Variants in TSEN2 observed in about 807,000 individuals in gnomAD.
TSEN2 encodes tRNA-splicing endonuclease subunit Sen2.
Under a neutral mutation model 59.2 loss-of-function variants are expected in TSEN2, and 54 were observed. The ratio of observed to expected loss-of-function variants is 0.91; its 90% CI spans 0.73 to 1.14. TSEN2 has a LOEUF of 1.14. TSEN2 is among the 50% of genes most tolerant of loss of function. The probability of loss-of-function intolerance (pLI) is 0.00; values close to 1 mark genes in which losing one functional copy is unlikely to be tolerated. For synonymous variants in TSEN2, 195 were observed against 198.2 expected (o/e 0.98, Z 0.14); for missense variants, 636 against 576.2 (o/e 1.10, Z -1.06).
chr3:12,519,396 A>G (rs2056427999), intron 8 of TSEN2, among the ~76,000 whole-genome samples, 199 bp downstream of exon 8: 1 of 152,220 alleles, frequency 6.6e-6, no homozygotes, highest in South Asian at 2.1e-4. Context: ...AAGGCCTAGG[A>G]GTAGAAGCTT....
intron 4 of TSEN2, among the ~76,000 whole-genome samples, chr3:12,501,355 A>G (rs2054267048): frequency 6.6e-6 from 1 of 152,180 alleles, no homozygotes; most frequent in South Asian, 2.1e-4. Context: ...AATGTGCCAT[A>G]CCAAAGTCAC....
intron 6 of TSEN2, among the ~76,000 whole-genome samples, chr3:12,509,647 A>T (rs1056647314): frequency 2.6e-5 from 4 of 152,216 alleles, no homozygotes; most frequent in Non-Finnish European, 4.4e-5. Context: ...ACTCATTCCC[A>T]GCAAGATTCC....
In TSEN2 at chr3:12,511,631, A is replaced by G. The variant is rs541672582; in HGVS notation, c.910-4980A>G. Reference sequence around the variant, plus strand: ...ACCTAAGCTGCAGTGCAGTGGTACAATATTGGCTCACTGCAGCCTCAGTCT... The same window carrying G: ...ACCTAAGCTGCAGTGCAGTGGTACAGTATTGGCTCACTGCAGCCTCAGTCT... On this transcript the variant is annotated intron_variant, in intron 6 of 11. Transcript: ENST00000284995. Among the ~76,000 whole-genome samples, 98 of 151,684 alleles carry G rather than the reference A, an allele frequency of 6.5e-4. 1 individual carries two copies. The highest frequency in any genetic ancestry group is 8.5e-4 in the African/African-American group (35 of 41,292).
At chr3:12,526,053 AAG>A (rs760754387) in intron 8 of TSEN2, among the ~76,000 whole-genome samples, 43 of 151,952 alleles carry the variant, frequency 2.8e-4, no homozygotes, top group Non-Finnish European at 5.6e-4. Flanking sequence ...TTATTGAAGA[AAG>A]AGACCAGGCA....
At chr3:12,487,943 A>G (rs141486938) in intron 1 of TSEN2, among the ~76,000 whole-genome samples, 4 of 151,820 alleles carry the variant, frequency 2.6e-5, no homozygotes, top group Admixed American at 1.3e-4. Flanking sequence ...GCTTAGAACA[A>G]TGGCAATTCT....
Position 12,516,680 on chromosome 3 carries a change from A to G in TSEN2, c.960+19A>G. ...TGAGAAGGTAAGATGCTTTGTTTAC[A>G]TACAACCCACTTAAAATTTCCCTGT... is the stretch of plus-strand genomic sequence containing the variant. On this transcript the variant is annotated intron_variant, in intron 7 of 11. Transcript: ENST00000284995. 6 of 1,612,066 alleles carry G rather than the reference A, an allele frequency of 3.7e-6. No homozygotes were observed. The highest frequency in any genetic ancestry group is 5.1e-6 in the Non-Finnish European group (6 of 1,178,200).
chr3:12,499,736 A>T (rs868830288), intron 4 of TSEN2, among the ~76,000 whole-genome samples: 1 of 152,142 alleles, frequency 6.6e-6, no homozygotes, highest in South Asian at 2.1e-4. Flanking sequence ...CGTGCCAGTG[A>T]TGGGCCTGTG....
intron 8 of TSEN2, among the ~76,000 whole-genome samples, chr3:12,522,599 G>A (rs1287439189): frequency 6.6e-6 from 1 of 152,176 alleles, no homozygotes; most frequent in Non-Finnish European, 1.5e-5. Flanking sequence ...TAATTTCAAA[G>A]GCCAATGACC....
At chr3:12,482,355 A>G (rs1167478163), upstream of TSEN2, among the ~76,000 whole-genome samples, 1 of 152,154 alleles carries the variant, frequency 6.6e-6, no homozygotes, top group African/African-American at 2.4e-5. Context: ...TCCCAACCTC[A>G]GGTGATCCAC....
intron 10 of TSEN2, chr3:12,538,955 G>C (rs2125282257): frequency 3.1e-6 from 1 of 318,056 alleles, no homozygotes; most frequent in Non-Finnish European, 6.0e-6. Context: ...TGTCGGGTCA[G>C]GCAAAATGAA....
intron 8 of TSEN2, among the ~76,000 whole-genome samples, chr3:12,527,285 C>T (rs1162259299): frequency 1.3e-5 from 2 of 152,204 alleles, no homozygotes; most frequent in East Asian, 3.9e-4. Context: ...GTTACTGTGT[C>T]GTCCTTGGGG....
chr3:12,519,757 AAAG>A (rs1230601517), intron 8 of TSEN2, among the ~76,000 whole-genome samples: 1 of 152,060 alleles, frequency 6.6e-6, no homozygotes, highest in African/African-American at 2.4e-5. Flanking sequence ...AAGGAAAAAA[AAAG>A]AAAAAGCATT....
chr3:12,506,723 C>G (rs2054878516), intron 6 of TSEN2: 1 of 985,292 alleles, frequency 1.0e-6, no homozygotes, highest in Non-Finnish European at 1.2e-6. Context: ...ACAGAAATGT[C>G]TTTTCTGCCT....
At chr3:12,501,325 A>G (rs983583194) in intron 4 of TSEN2, among the ~76,000 whole-genome samples, 1 of 152,234 alleles carries the variant, frequency 6.6e-6, no homozygotes, top group Non-Finnish European at 1.5e-5. Context: ...CACAGTTATA[A>G]GTAACAGGGC....
chr3:12,502,466 G>A (rs1226074732), intron 4 of TSEN2, among the ~76,000 whole-genome samples: 4 of 152,006 alleles, frequency 2.6e-5, no homozygotes, highest in East Asian at 1.9e-4. Flanking sequence ...AACCCGGGAG[G>A]CAGAGGTTAC....
chr3:12,525,443 C>T (rs1398237211), intron 8 of TSEN2, among the ~76,000 whole-genome samples: 1 of 152,172 alleles, frequency 6.6e-6, no homozygotes, highest in Non-Finnish European at 1.5e-5. Flanking sequence ...TTAATTATTG[C>T]ACTAATCATT....
intron 6 of TSEN2, among the ~76,000 whole-genome samples, chr3:12,509,901 G>A (rs891181770): frequency 5.3e-5 from 8 of 152,178 alleles, no homozygotes; most frequent in Admixed American, 2.0e-4. Flanking sequence ...TTCAGATGCC[G>A]AAGGGTAATA....
At chr3:12,496,262 G>T (rs781071747) in intron 3 of TSEN2, among the ~76,000 whole-genome samples, 1 of 152,202 alleles carries the variant, frequency 6.6e-6, no homozygotes, top group Admixed American at 6.5e-5. Context: ...CTTAGCTGGA[G>T]CCCTGAGTTG....
chr3:12,500,660 T>C (rs903708244), intron 4 of TSEN2, among the ~76,000 whole-genome samples: 4 of 152,254 alleles, frequency 2.6e-5, no homozygotes, highest in Non-Finnish European at 4.4e-5. Context: ...CACAATGATA[T>C]AGTAGTATTG....
Sources: allele counts gnomAD v4.1 joint callset (sites outside exome capture counted in the v4.1 genomes callset), GRCh38; gene constraint gnomAD v4.1.1; transcripts MANE v1.5; gene names NCBI Gene and HGNC (gene_info 2026-07-23, HGNC 2026-07-21).